The following LAMA2 variants were observed in gnomAD, a reference collection of about 807,000 sequenced individuals.
LAMA2 encodes the protein laminin subunit alpha 2.
In LAMA2, 269 loss-of-function variants were observed where a neutral mutation model predicts 364.8. That is an observed-to-expected ratio of 0.74 (90% CI 0.67 to 0.82). LAMA2 has a LOEUF of 0.82. Among genes scored for constraint, LAMA2 ranks in the 40% least tolerant of loss-of-function variants. The pLI is 0.00. For synonymous variants in LAMA2, 1,379 were observed against 1,370.6 expected, an observed-to-expected ratio of 1.01 and a Z score of -0.14; for missense variants, 3,807 against 3,873.2, an observed-to-expected ratio of 0.98 and a Z score of 0.45.
At chr6:128,977,444 A>T (rs985161250) in intron 1 of LAMA2, among the ~76,000 whole-genome samples, 2 of 151,348 alleles carry the variant, frequency 1.3e-5, no homozygotes, top group Non-Finnish European at 2.9e-5. Context: ...TTTGTTTTTC[A>T]TAGAGATGAG....
At chr6:129,333,771 C>T (rs1013185082) in intron 29 of LAMA2, among the ~76,000 whole-genome samples, 12 of 152,106 alleles carry the variant, frequency 7.9e-5, no homozygotes, top group African/African-American at 2.7e-4. Context: ...ATTTTTAGCA[C>T]AGTTATATTT....
chr6:129,510,549 A>G (rs1181898514), intron 62 of LAMA2, among the ~76,000 whole-genome samples: 1 of 152,134 alleles, frequency 6.6e-6, no homozygotes. Flanking sequence ...ATATGTGGAG[A>G]TTATGATGGG....
chr6:129,365,110 C>T (rs1042049066), intron 32 of LAMA2, among the ~76,000 whole-genome samples: 1 of 152,200 alleles, frequency 6.6e-6, no homozygotes, highest in African/African-American at 2.4e-5. Context: ...GATGGGGACA[C>T]AGATCCAAAC....
At chr6:128,997,611 A>G (rs1784067126) in intron 1 of LAMA2, among the ~76,000 whole-genome samples, 1 of 151,800 alleles carries the variant, frequency 6.6e-6, no homozygotes, top group Non-Finnish European at 1.5e-5. Context: ...CCTGGCAAAC[A>G]TGGTGAAACC....
At chr6:129,312,594 C>T (rs891491848) in intron 22 of LAMA2, among the ~76,000 whole-genome samples, 28 of 152,138 alleles carry the variant, frequency 1.8e-4, no homozygotes, top group African/African-American at 6.8e-4. Flanking sequence ...CCCCTCTCTA[C>T]CTCAGAAAGA....
intron 12 of LAMA2, among the ~76,000 whole-genome samples, chr6:129,241,971 G>C (rs950024353): frequency 2.6e-5 from 4 of 152,136 alleles, no homozygotes; most frequent in African/African-American, 7.2e-5. Flanking sequence ...GTATTCCAAG[G>C]TTGGTGTTCT....
intron 1 of LAMA2, among the ~76,000 whole-genome samples, chr6:129,020,133 A>G (rs1469634850): frequency 6.6e-6 from 1 of 150,578 alleles, no homozygotes; most frequent in African/African-American, 2.4e-5. Flanking sequence ...GTCTGTGTAT[A>G]GGGCAGGACG....
intron 34 of LAMA2, 120 bp from the exon 35 acceptor site, chr6:129,383,002 A>T (rs1281994845): frequency 1.3e-6 from 1 of 760,676 alleles, no homozygotes; most frequent in Non-Finnish European, 2.3e-6. Flanking sequence ...CTGATCAATA[A>T]TTCATCGATT....
chr6:129,512,306 T>C, intron 62 of LAMA2, 57 bp from the exon 63 acceptor site: 1 of 1,531,618 alleles, frequency 6.5e-7, no homozygotes, highest in South Asian at 1.1e-5. Flanking sequence ...TTGTACACGT[T>C]TGAATTAACA....
intron 49 of LAMA2, among the ~76,000 whole-genome samples, chr6:129,463,855 C>G (rs1783393324): frequency 6.6e-6 from 1 of 151,898 alleles, no homozygotes; most frequent in East Asian, 1.9e-4. Context: ...AAATACAGGC[C>G]TCCTTAATCG....
chr6:129,245,196 T>C (rs934679585), intron 12 of LAMA2, among the ~76,000 whole-genome samples: 7 of 152,118 alleles, frequency 4.6e-5, no homozygotes, highest in African/African-American at 1.7e-4. Context: ...CCTTATGAAA[T>C]GGAATGAACC....
chr6:129,274,956 A>G (rs1448017148), intron 17 of LAMA2, among the ~76,000 whole-genome samples: 1 of 152,020 alleles, frequency 6.6e-6, no homozygotes, highest in Non-Finnish European at 1.5e-5. Context: ...CAGTTATATA[A>G]TAAAATATAT....
chr6:129,418,676 G>GA (rs1562546186), intron 40 of LAMA2, among the ~76,000 whole-genome samples: 3 of 151,948 alleles, frequency 2.0e-5, no homozygotes, highest in African/African-American at 7.3e-5. Flanking sequence ...ATGCTAGCAG[G>GA]CCAGAATTTG....
chr6:129,511,955 A>C (rs1406131748), intron 62 of LAMA2, among the ~76,000 whole-genome samples: 1 of 152,140 alleles, frequency 6.6e-6, no homozygotes, highest in African/African-American at 2.4e-5. Context: ...GTTTTTCTTT[A>C]CCCAACAGAG....
At chr6:129,243,402 T>C (rs1011270813) in intron 12 of LAMA2, among the ~76,000 whole-genome samples, 2 of 152,092 alleles carry the variant, frequency 1.3e-5, no homozygotes, top group Admixed American at 6.6e-5. Context: ...ATAATGAATA[T>C]CTCTTGGCCT....
chr6:129,489,201 C>G (rs1167737545), intron 56 of LAMA2, among the ~76,000 whole-genome samples: 2 of 152,198 alleles, frequency 1.3e-5, no homozygotes, highest in Non-Finnish European at 2.9e-5. Flanking sequence ...TGTCAGTCAT[C>G]ATTTCTTTTC....
At chr6:129,316,569 A>G (rs186488874) in intron 27 of LAMA2, among the ~76,000 whole-genome samples, 6 of 152,296 alleles carry the variant, frequency 3.9e-5, no homozygotes, top group Admixed American at 6.5e-5. Flanking sequence ...GTCTCCTCCA[A>G]CTGTGAGCAT....
At position 129,353,281 on chromosome 6, in the gene LAMA2, G is replaced by T. The variant is rs749476549; in HGVS notation, c.4641G>T (p.Thr1547=). Residue 1547 remains threonine (T), a synonymous_variant, in exon 32 of 65, where the codon ACG becomes ACT. Coordinates refer to ENST00000421865, the MANE Select transcript of LAMA2 (RefSeq NM_000426.4). ...GTGACCCTGTCACAGGATTCTGCACGTGCCGACCTGGAGCCACGGGAAGGA... is the reference window on the plus strand; with the variant it reads ...GTGACCCTGTCACAGGATTCTGCACTTGCCGACCTGGAGCCACGGGAAGGA... ...VPCDPVTGFC[T]CRPGATGRKC... is the part of the protein sequence containing the mutation. The T allele has an allele frequency of 8.7e-6, 14 of 1,614,096 alleles. No individual in the cohort carries two copies. The highest frequency in any genetic ancestry group is 1.1e-5 in the Non-Finnish European group (13 of 1,179,982).
chr6:129,232,719 G>A (rs1404108842), intron 12 of LAMA2, among the ~76,000 whole-genome samples: 1 of 151,944 alleles, frequency 6.6e-6, no homozygotes, highest in African/African-American at 2.4e-5. Context: ...CTCTTACATG[G>A]CAAAAGGGAC....
Sources: allele counts gnomAD v4.1 joint callset (sites outside exome capture counted in the v4.1 genomes callset), GRCh38; gene constraint gnomAD v4.1.1; transcripts MANE v1.5; gene names NCBI Gene and HGNC (gene_info 2026-07-23, HGNC 2026-07-21).